Variants in THRB observed in about 807,000 individuals in gnomAD.
THRB encodes thyroid hormone receptor beta, also known as nuclear receptor subfamily 1 group A member 2.
In THRB, 12 loss-of-function variants were observed where a neutral mutation model predicts 47.8. The ratio of observed to expected loss-of-function variants is 0.25; its 90% CI spans 0.16 to 0.41. THRB has a LOEUF of 0.41. Among genes scored for constraint, THRB ranks in the 10% least tolerant of loss-of-function variants. The probability of loss-of-function intolerance (pLI) is 1.00; values close to 1 mark genes in which losing one functional copy is unlikely to be tolerated. For synonymous variants in THRB, 218 were observed against 212.2 expected (o/e 1.03, Z -0.24); for missense variants, 348 against 589.2 (o/e 0.59, Z 4.24).
At chr3:24,440,180 T>C (rs748655011) in intron 1 of THRB, among the ~76,000 whole-genome samples, 1 of 152,210 alleles carries the variant, frequency 6.6e-6, no homozygotes, top group Non-Finnish European at 1.5e-5. Context: ...TTCATACTTG[T>C]TCAATTAAAA....
At chr3:24,450,721 C>T (rs946088157) in intron 1 of THRB, among the ~76,000 whole-genome samples, 2 of 152,146 alleles carry the variant, frequency 1.3e-5, no homozygotes, top group African/African-American at 4.8e-5. Flanking sequence ...AGATGCCAAT[C>T]TATAGTAGGC....
At chr3:24,485,139 C>T (rs527499943) in intron 1 of THRB, among the ~76,000 whole-genome samples, 3 of 152,308 alleles carry the variant, frequency 2.0e-5, no homozygotes, top group East Asian at 1.9e-4. Context: ...TATAGAAACA[C>T]GTTCCTGTCA....
chr3:24,288,725 C>G (rs1340489273), intron 3 of THRB, among the ~76,000 whole-genome samples: 1 of 152,070 alleles, frequency 6.6e-6, no homozygotes, highest in Non-Finnish European at 1.5e-5. Flanking sequence ...ACTATGGGTC[C>G]CAACACATAA....
chr3:24,207,156 T>C (rs933777715), intron 4 of THRB, among the ~76,000 whole-genome samples: 2 of 152,176 alleles, frequency 1.3e-5, no homozygotes, highest in African/African-American at 4.8e-5. Context: ...GAAGCCAGCA[T>C]CATCCTGATA....
At chr3:24,257,817 C>T (rs2051462287) in intron 3 of THRB, among the ~76,000 whole-genome samples, 1 of 152,236 alleles carries the variant, frequency 6.6e-6, no homozygotes, top group Non-Finnish European at 1.5e-5. Context: ...GGACAGCCTC[C>T]TGCAGTCACT....
At chr3:24,409,805 A>G (rs1242314328) in intron 1 of THRB, among the ~76,000 whole-genome samples, 2 of 151,812 alleles carry the variant, frequency 1.3e-5, no homozygotes, top group African/African-American at 2.4e-5. Flanking sequence ...TGTAAAAAAT[A>G]CCCCTGAAAG....
rs77201689 is a variant in THRB, at chr3:24,352,774, A to G, written c.-260-15403T>C. ...ATATACTACATATCCATAGAAAAAG[A>G]CTTGGAAGAAACACTCCAAAATATT... On this transcript the variant is annotated intron_variant, in intron 1 of 10. Coordinates refer to ENST00000646209, the MANE Select transcript of THRB (RefSeq NM_001354712.2). 8.1e-3 allele frequency among the ~76,000 whole-genome samples: 1,229 copies of G among 152,296 alleles called. 18 individuals are homozygous for G. The highest frequency in any genetic ancestry group is 0.028 in the African/African-American group (1,167 of 41,564).
chr3:24,480,749 T>C (rs1696232341), intron 1 of THRB, among the ~76,000 whole-genome samples: 2 of 152,110 alleles, frequency 1.3e-5, no homozygotes, highest in African/African-American at 2.4e-5. Flanking sequence ...GAGAAATGAA[T>C]TGTATAATAA....
intron 3 of THRB, among the ~76,000 whole-genome samples, chr3:24,283,532 G>A (rs1163677095): frequency 6.6e-6 from 1 of 150,860 alleles, no homozygotes; most frequent in African/African-American, 2.5e-5. Context: ...ACAAGACAGG[G>A]ATGCCCTCTC....
intron 1 of THRB, among the ~76,000 whole-genome samples, chr3:24,383,524 CT>C (rs1374092389): frequency 6.6e-6 from 1 of 152,066 alleles, no homozygotes. Flanking sequence ...CTACTACTTT[CT>C]TGTTGATGAC....
At chr3:24,232,729 AG>A (rs2048376055) in intron 3 of THRB, among the ~76,000 whole-genome samples, 1 of 152,192 alleles carries the variant, frequency 6.6e-6, no homozygotes, top group Non-Finnish European at 1.5e-5. Flanking sequence ...AGGCCACGGC[AG>A]GTCCAGAATA....
At chr3:24,313,443 T>C (rs1322374361) in intron 2 of THRB, among the ~76,000 whole-genome samples, 1 of 152,158 alleles carries the variant, frequency 6.6e-6, no homozygotes, top group African/African-American at 2.4e-5. Flanking sequence ...AAGAATATCC[T>C]GCCACCCACG....
intron 1 of THRB, among the ~76,000 whole-genome samples, chr3:24,471,207 C>T (rs987532676): frequency 6.6e-6 from 1 of 152,176 alleles, no homozygotes. Flanking sequence ...TTTCCAGGAG[C>T]ATCAGCATCG....
chr3:24,286,917 A>G (rs563043060), intron 3 of THRB, among the ~76,000 whole-genome samples: 2 of 152,272 alleles, frequency 1.3e-5, no homozygotes, highest in African/African-American at 4.8e-5. Context: ...GCTTAAAATG[A>G]CCCTTCTCAC....
intron 3 of THRB, among the ~76,000 whole-genome samples, chr3:24,255,532 A>T (rs2051169975): frequency 6.6e-6 from 1 of 152,218 alleles, no homozygotes; most frequent in African/African-American, 2.4e-5. Flanking sequence ...CACTTAGATA[A>T]GGCTTTCTAG....
intron 9 of THRB, among the ~76,000 whole-genome samples, chr3:24,130,041 A>G (rs2033587850): frequency 1.3e-5 from 2 of 152,212 alleles, no homozygotes; most frequent in South Asian, 2.1e-4. Flanking sequence ...TCACGAACCT[A>G]TACAGTTAAT....
At chr3:24,293,797 A>C (rs1204152503) in intron 3 of THRB, among the ~76,000 whole-genome samples, 1 of 152,200 alleles carries the variant, frequency 6.6e-6, no homozygotes, top group Non-Finnish European at 1.5e-5. Context: ...AGCAGATGCC[A>C]TTGTGGCGGC....
chr3:24,275,556 C>T (rs150649649), intron 3 of THRB, among the ~76,000 whole-genome samples: 20 of 152,300 alleles, frequency 1.3e-4, no homozygotes, highest in African/African-American at 4.8e-4. Flanking sequence ...GTTTGGAGAG[C>T]CATGTTTTGC....
intron 3 of THRB, among the ~76,000 whole-genome samples, chr3:24,245,910 CACAAAACAATACAAA>C (rs2050067287): frequency 6.9e-6 from 1 of 145,194 alleles, no homozygotes; most frequent in Non-Finnish European, 1.5e-5. Context: ...GAGACTCTGT[CACAAAACAATACAAA>C]GCAAAACAAA....
Sources: gnomAD v4.1 joint callset for allele counts (sites outside exome capture counted in the v4.1 genomes callset) on GRCh38, gnomAD v4.1.1 for gene constraint, MANE v1.5 for transcripts, NCBI Gene and HGNC (gene_info 2026-07-23, HGNC 2026-07-21) for gene names.